The following URI1 variants were observed in gnomAD, a reference collection of about 807,000 sequenced individuals.
The protein encoded by URI1 is unconventional prefoldin RPB5 interactor 1.
A neutral mutation model predicts 60.2 loss-of-function variants in URI1; 39 were observed. That is an observed-to-expected ratio of 0.65 (90% CI 0.50 to 0.85). The LOEUF is 0.85. URI1 is among the 40% of genes least tolerant of loss of function. The probability of loss-of-function intolerance (pLI) is 0.00; values close to 1 mark genes in which losing one functional copy is unlikely to be tolerated. For synonymous variants in URI1, 251 were observed against 236.8 expected (o/e 1.06, Z -0.55); for missense variants, 691 against 665.9 (o/e 1.04, Z -0.42).
At position 29,942,540 on chromosome 19, in the gene URI1, G is replaced by C; in HGVS notation, c.-8G>C. On this transcript the variant is annotated 5_prime_UTR_variant, in exon 1 of 11. Coordinates refer to ENST00000392271, the MANE Select transcript of URI1 (RefSeq NM_003796.3). ...CTCACACGCCGCGCTGAGGCCCGCG[G>C]GCCCGTCATGGAGGCGCCCACCGTG... 2.1e-6 allele frequency: 3 copies of C among 1,400,148 alleles called. No individual in the cohort carries two copies. Among genetic ancestry groups the C allele is most frequent in the Non-Finnish European group, 2.8e-6 (3 of 1,077,188 alleles). 86.7% of individuals were successfully genotyped at this position (1,400,148 alleles called of 1,614,324 possible).
intron 1 of URI1, among the ~76,000 whole-genome samples, chr19:29,967,355 C>G (rs1280648606): frequency 6.6e-6 from 1 of 152,166 alleles, no homozygotes; most frequent in South Asian, 2.1e-4. Flanking sequence ...TTATAAGTGT[C>G]TTAAAAATAT....
intron 9 of URI1, 53 bp from the exon 10 acceptor site, chr19:30,012,232 C>G: frequency 4.0e-6 from 6 of 1,495,274 alleles, no homozygotes; most frequent in Non-Finnish European, 5.3e-6. Flanking sequence ...AAAAGTTGTT[C>G]TCAGTTTTAT....
intron 2 of URI1, among the ~76,000 whole-genome samples, chr19:29,979,983 A>G (rs1445361854): frequency 6.6e-6 from 1 of 152,200 alleles, no homozygotes; most frequent in Non-Finnish European, 1.5e-5. Context: ...ATAACAGTAT[A>G]GATCCCTTTT....
intron 2 of URI1, among the ~76,000 whole-genome samples, chr19:29,975,357 T>A (rs2055507444): frequency 6.7e-6 from 1 of 150,022 alleles, no homozygotes; most frequent in Non-Finnish European, 1.5e-5. Flanking sequence ...CAAGAAAGAC[T>A]ATATATTAAC....
intron 4 of URI1, among the ~76,000 whole-genome samples, chr19:29,987,101 T>G (rs567269676): frequency 6.6e-6 from 1 of 152,336 alleles, no homozygotes; most frequent in Non-Finnish European, 1.5e-5. Flanking sequence ...GGTTCTAGCT[T>G]AGTTATATTT....
chr19:29,937,946 C>T (rs1018790229), upstream of URI1: 2 of 152,148 alleles, frequency 1.3e-5, no homozygotes, highest in Admixed American at 1.3e-4. Context: ...GTTCTCTTAC[C>T]AACAACCAGC....
At chr19:29,942,180 T>C, upstream of URI1, 2 of 978,014 alleles carry the variant, frequency 2.0e-6, no homozygotes, top group South Asian at 9.4e-5. Flanking sequence ...CTGCGCGAGC[T>C]GGGCGTGTCG....
chr19:29,923,701 T>C (rs1489836992), exon 1 of URI1: 8 of 1,536,560 alleles, frequency 5.2e-6, no homozygotes, highest in Non-Finnish European at 6.1e-6. Context: ...GATGACAACA[T>C]GGTCTTCCCT....
intron 4 of URI1, among the ~76,000 whole-genome samples, chr19:29,995,398 T>A (rs2145406283): frequency 6.6e-6 from 1 of 152,276 alleles, no homozygotes; most frequent in South Asian, 2.1e-4. Flanking sequence ...TCAAGTCTTT[T>A]GCCCATTTTT....
chr19:30,003,673 T>C (rs1423565272), intron 4 of URI1, among the ~76,000 whole-genome samples: 2 of 152,082 alleles, frequency 1.3e-5, no homozygotes, highest in Non-Finnish European at 2.9e-5. Context: ...GTAACTCCTA[T>C]AACATCAGTG....
intron 4 of URI1, among the ~76,000 whole-genome samples, chr19:30,002,910 T>G (rs375607961): frequency 6.6e-6 from 1 of 152,034 alleles, no homozygotes; most frequent in Non-Finnish European, 1.5e-5. Flanking sequence ...TTTTGCTTAA[T>G]TAGATTTCAA....
chr19:29,936,322 C>T (rs533622958), intron 1 of URI1, among the ~76,000 whole-genome samples: 86 of 152,126 alleles, frequency 5.7e-4, no homozygotes, highest in Middle Eastern at 6.8e-3. Flanking sequence ...AGGCTGGTCT[C>T]GAACTCCTGA....
intron 2 of URI1, among the ~76,000 whole-genome samples, chr19:29,972,918 T>C (rs1395597321): frequency 6.6e-6 from 1 of 152,148 alleles, no homozygotes; most frequent in Non-Finnish European, 1.5e-5. Flanking sequence ...CTTTATACAT[T>C]TAAAAAATTA....
intron 1 of URI1, among the ~76,000 whole-genome samples, chr19:29,924,787 G>T (rs1391535666): frequency 1.3e-5 from 2 of 152,224 alleles, no homozygotes; most frequent in Non-Finnish European, 2.9e-5. Flanking sequence ...AGCTCTGCCT[G>T]CCCTCAGCTT....
rs189187 is a variant in URI1 at position 29,942,612 on chromosome 19, T to C, written c.65T>C (p.Leu22Pro). 0.01 allele frequency: 13,922 copies of C among 1,326,054 alleles called. 1,178 individuals carry two copies. The African/African-American group carries it at 0.19, about 18-fold the overall frequency. 82.1% of individuals were successfully genotyped at this position (1,326,054 alleles called of 1,614,324 possible). A position where few individuals can be genotyped will look rare whatever the true frequency, so the allele number is the denominator to read the frequency against. Reference sequence around the variant, plus strand: ...CCCCCTTCGGCCCCGGCCCCTGCCCTGGTTCCGTTGCGCGCCCCGGATGTG... The same window carrying C: ...CCCCCTTCGGCCCCGGCCCCTGCCCCGGTTCCGTTGCGCGCCCCGGATGTG... The part of the protein sequence containing the change: ...PSPPSAPAPA[L>P]VPLRAPDVAR... Residue 22 changes from leucine (L) to proline (P), a missense_variant, in exon 1 of 11, where the codon CTG (leucine) becomes CCG (proline). By Grantham distance (98) the Leu-to-Pro change is moderately conservative. Transcript: ENST00000392271.
intron 4 of URI1, among the ~76,000 whole-genome samples, chr19:29,990,103 A>G (rs897368785): frequency 6.6e-6 from 1 of 152,302 alleles, no homozygotes; most frequent in Non-Finnish European, 1.5e-5. Flanking sequence ...TTTCTTGCAT[A>G]TGGATGTCCA....
intron 2 of URI1, among the ~76,000 whole-genome samples, chr19:29,982,493 A>G (rs1363586230): frequency 1.3e-5 from 2 of 152,214 alleles, no homozygotes; most frequent in Non-Finnish European, 2.9e-5. Flanking sequence ...ATTCATAGAA[A>G]TATTTAGATA....
chr19:29,957,559 CTAG>C (rs749568882), intron 1 of URI1, among the ~76,000 whole-genome samples: 7 of 152,084 alleles, frequency 4.6e-5, no homozygotes, highest in Non-Finnish European at 7.4e-5. Context: ...GTCTTGATAT[CTAG>C]TAGTAAAATT....
At chr19:30,003,186 A>T (rs990041485) in intron 4 of URI1, among the ~76,000 whole-genome samples, 1 of 152,030 alleles carries the variant, frequency 6.6e-6, no homozygotes, top group African/African-American at 2.4e-5. Context: ...TTTGTACAAA[A>T]TCGAAATAGG....
Sources: gnomAD v4.1 joint callset for allele counts (sites outside exome capture counted in the v4.1 genomes callset) on GRCh38, gnomAD v4.1.1 for gene constraint, MANE v1.5 for transcripts, NCBI Gene and HGNC (gene_info 2026-07-23, HGNC 2026-07-21) for gene names.